The following EEF1AKMT4 variants were observed in gnomAD, a reference collection of about 807,000 sequenced individuals.
EEF1AKMT4 encodes the protein EEF1A lysine methyltransferase 4.
In EEF1AKMT4, 17 loss-of-function variants were observed where a neutral mutation model predicts 23.0. The ratio of observed to expected loss-of-function variants is 0.74; its 90% CI spans 0.51 to 1.11. EEF1AKMT4 has a LOEUF of 1.11. Ranked by LOEUF, EEF1AKMT4 falls within the 50% of genes least tolerant of loss-of-function variation. EEF1AKMT4 has a pLI of 0.00. For missense variants in EEF1AKMT4, 318 were observed against 333.4 expected, an observed-to-expected ratio of 0.95 and a Z score of 0.36; for synonymous variants, 140 against 141.4, an observed-to-expected ratio of 0.99 and a Z score of 0.07.
Position 184,258,567 on chromosome 3 carries a change from C to G in EEF1AKMT4, c.760C>G (p.Gln254Glu), listed in dbSNP as rs563754455. 17 of 1,583,612 alleles carry G rather than the reference C, an allele frequency of 1.1e-5. No individual in the cohort carries two copies. In the East Asian group the frequency reaches 1.6e-4, roughly 15 times the overall value. The change falls in exon 3 of 3, where the codon CAG becomes GAG. Residue 254 changes from glutamine to glutamate, a missense_variant. Gln to Glu is a conservative substitution (Grantham distance 29). Coordinates refer to ENST00000324557, the MANE Select transcript of EEF1AKMT4 (RefSeq NM_032331.4). ...TCATGAGGACTTCCTTAGTGCCATT[C>G]AGCTCTGAGGCCAGAGCATGGTCCT... ...SDHEDFLSAI[Q>E]L
intron 1 of EEF1AKMT4, among the ~76,000 whole-genome samples, chr3:184,251,876 G>A (rs557478035): frequency 6.6e-6 from 1 of 152,182 alleles, no homozygotes; most frequent in Non-Finnish European, 1.5e-5. Flanking sequence ...TTTATTAATT[G>A]GGCTTTAAGT....
intron 1 of EEF1AKMT4, among the ~76,000 whole-genome samples, chr3:184,251,285 C>G (rs1045691184): frequency 1.3e-5 from 2 of 152,056 alleles, no homozygotes; most frequent in East Asian, 3.9e-4. Flanking sequence ...GTAATCACAA[C>G]ACTTTGGGAG....
At chr3:184,257,398 G>A in intron 1 of EEF1AKMT4, 75 bp from the exon 2 acceptor site, 1 of 1,460,280 alleles carries the variant, frequency 6.8e-7, no homozygotes, top group African/African-American at 1.4e-5. Flanking sequence ...GGGGCCAAGA[G>A]TGGATGGATA....
intron 1 of EEF1AKMT4, among the ~76,000 whole-genome samples, chr3:184,251,734 A>T (rs933850714): frequency 1.3e-5 from 2 of 152,112 alleles, no homozygotes; most frequent in Non-Finnish European, 2.9e-5. Context: ...AAACAAACAA[A>T]AAACCACCTT....
intron 1 of EEF1AKMT4, among the ~76,000 whole-genome samples, chr3:184,252,946 C>CAAAAA (rs563455729): frequency 4.4e-5 from 2 of 45,384 alleles, no homozygotes; most frequent in Non-Finnish European, 8.4e-5. Context: ...AACTCCATCT[C>CAAAAA]AAAAAAAAAA....
At chr3:184,256,111 A>G (rs1271805610) in intron 1 of EEF1AKMT4, among the ~76,000 whole-genome samples, 1 of 152,054 alleles carries the variant, frequency 6.6e-6, no homozygotes, top group Non-Finnish European at 1.5e-5. Context: ...CCCCGTCTCT[A>G]TTAAAATACA....
intron 1 of EEF1AKMT4, among the ~76,000 whole-genome samples, chr3:184,254,022 T>C (rs1012817917): frequency 6.6e-6 from 1 of 152,200 alleles, no homozygotes; most frequent in Non-Finnish European, 1.5e-5. Context: ...ATAATTCTTA[T>C]AAATGCTTAA....
chr3:184,258,469 A>G lies in EEF1AKMT4; in HGVS notation c.662A>G (p.Gln221Arg). The change falls in exon 3 of 3, where the codon CAG becomes CGG. Residue 221 changes from glutamine (Q) to arginine (R), a missense_variant. Gln to Arg is a conservative substitution (Grantham distance 43). Coordinates refer to ENST00000324557, the MANE Select transcript of EEF1AKMT4 (RefSeq NM_032331.4). ...AAGGGCGGGAAGCTCAGTGTGGCCC[A>G]GCTGGCTCTGGGGGCCCAAATCCTC... is the stretch of plus-strand genomic sequence containing the variant. ...MHKGGKLSVAQLALGAQILSP... is the reference protein window; with the variant it reads ...MHKGGKLSVARLALGAQILSP... The G allele has an allele frequency of 6.2e-7, 1 of 1,613,790 alleles. No homozygotes were observed. The highest frequency in any genetic ancestry group is 1.1e-5 in the South Asian group (1 of 91,074).
At chr3:184,251,191 T>G (rs1216294986) in intron 1 of EEF1AKMT4, among the ~76,000 whole-genome samples, 3 of 151,912 alleles carry the variant, frequency 2.0e-5, no homozygotes, top group Non-Finnish European at 2.9e-5. Context: ...GATCACTTGA[T>G]CGCAGGAGCT....
chr3:184,255,810 C>T (rs1719772874), intron 1 of EEF1AKMT4, among the ~76,000 whole-genome samples: 1 of 152,258 alleles, frequency 6.6e-6, no homozygotes, highest in Admixed American at 6.5e-5. Flanking sequence ...TCTTGGCTGA[C>T]TCACCTGAGG....
rs756884813 is a variant in EEF1AKMT4 at position 184,258,655 on chromosome 3, G to C, written c.*80G>C. The stretch of plus-strand genomic sequence containing the variant: ...AGTTGGAATTCCTGACTTAGGACTT[G>C]GGGTTGGGTCCAAGGTGCTTACATC... On this transcript the variant is annotated 3_prime_UTR_variant, in exon 3 of 3. Coordinates refer to ENST00000324557, the MANE Select transcript of EEF1AKMT4 (RefSeq NM_032331.4). 3.2e-5 allele frequency: 49 copies of C among 1,509,896 alleles called. No homozygotes were observed. The highest frequency in any genetic ancestry group is 4.3e-5 in the Non-Finnish European group (49 of 1,133,206). The allele number at this position is 1,509,896 out of a possible 1,614,324, so 93.5% of individuals were successfully genotyped here. A position where few individuals can be genotyped will look rare whatever the true frequency, so the allele number is the denominator to read the frequency against.
chr3:184,257,370 T>G (rs1577118542), intron 1 of EEF1AKMT4, 103 bp from the exon 2 acceptor site: 1 of 1,231,272 alleles, frequency 8.1e-7, no homozygotes, highest in Non-Finnish European at 1.1e-6. Flanking sequence ...TACTAGAGGG[T>G]TTGGATTGAG....
At chr3:184,251,330 C>T (rs1003452855) in intron 1 of EEF1AKMT4, among the ~76,000 whole-genome samples, 13 of 151,928 alleles carry the variant, frequency 8.6e-5, no homozygotes, top group Admixed American at 5.2e-4. Context: ...GTCAGGAGTT[C>T]AAGACAAGCC....
intron 2 of EEF1AKMT4, among the ~76,000 whole-genome samples, chr3:184,257,996 G>A (rs894909756): frequency 6.6e-6 from 1 of 152,170 alleles, no homozygotes; most frequent in Non-Finnish European, 1.5e-5. Flanking sequence ...ATAGGGATGA[G>A]GTAGCAGCCA....
intron 1 of EEF1AKMT4, among the ~76,000 whole-genome samples, chr3:184,253,972 T>C (rs1002992206): frequency 1.3e-5 from 2 of 152,136 alleles, no homozygotes; most frequent in African/African-American, 2.4e-5. Flanking sequence ...GCCCAGCCAA[T>C]AGTATCCTTT....
chr3:184,254,436 G>A (rs978391806), intron 1 of EEF1AKMT4, among the ~76,000 whole-genome samples: 2 of 151,806 alleles, frequency 1.3e-5, no homozygotes, highest in African/African-American at 4.8e-5. Flanking sequence ...CGGGTGCGGT[G>A]GCTCATGCCT....
At chr3:184,253,473 A>G (rs1368870908) in intron 1 of EEF1AKMT4, among the ~76,000 whole-genome samples, 1 of 152,206 alleles carries the variant, frequency 6.6e-6, no homozygotes, top group Non-Finnish European at 1.5e-5. Flanking sequence ...TAACAATGGA[A>G]TGTCACGACT....
intron 1 of EEF1AKMT4, among the ~76,000 whole-genome samples, chr3:184,256,272 C>CAGAAAAAAAGA (rs1323118764): frequency 1.1e-4 from 6 of 54,206 alleles, no homozygotes; most frequent in African/African-American, 4.0e-4. Flanking sequence ...AACTCCATCT[C>CAGAAAAAAAGA]AAAAAAAAAA....
chr3:184,253,353 A>G (rs1276807002), intron 1 of EEF1AKMT4, among the ~76,000 whole-genome samples: 1 of 152,206 alleles, frequency 6.6e-6, no homozygotes, highest in Non-Finnish European at 1.5e-5. Context: ...TGGTAAAGTA[A>G]GGGTGCTTTG....
Sources: allele counts gnomAD v4.1 joint callset (sites outside exome capture counted in the v4.1 genomes callset), GRCh38; gene constraint gnomAD v4.1.1; transcripts MANE v1.5; gene names NCBI Gene and HGNC (gene_info 2026-07-23, HGNC 2026-07-21).